SPAG16: variants seen among roughly 807,000 people sequenced by gnomAD.
SPAG16 encodes sperm associated antigen 16, also known as sperm-associated antigen 16 protein.
A neutral mutation model predicts 80.4 loss-of-function variants in SPAG16; 86 were observed. That is an observed-to-expected ratio of 1.07 (90% CI 0.90 to 1.28). SPAG16 has a LOEUF of 1.28. Ranked by LOEUF, SPAG16 falls within the 50% of genes most tolerant of loss-of-function variation. The pLI, the probability that SPAG16 is intolerant of heterozygous loss-of-function variation, is 0.00. For synonymous variants in SPAG16, 294 were observed against 265.9 expected, an observed-to-expected ratio of 1.11 and a Z score of -1.03; for missense variants, 870 against 765.3, an observed-to-expected ratio of 1.14 and a Z score of -1.61.
At chr2:213,664,710 C>G (rs919429831) in intron 10 of SPAG16, among the ~76,000 whole-genome samples, 1 of 152,046 alleles carries the variant, frequency 6.6e-6, no homozygotes, top group Non-Finnish European at 1.5e-5. Context: ...TTCTTGGATT[C>G]TCAGACTCAA....
intron 10 of SPAG16, among the ~76,000 whole-genome samples, chr2:213,526,420 T>C (rs111318894): frequency 0.02 from 3,073 of 152,330 alleles, 44 homozygotes; most frequent in Middle Eastern, 0.051. Context: ...CCTCAAACTT[T>C]TTGAAAGATG....
chr2:214,196,396 G>A (rs557621142), intron 15 of SPAG16, among the ~76,000 whole-genome samples: 27 of 152,078 alleles, frequency 1.8e-4, no homozygotes, highest in African/African-American at 5.3e-4. Flanking sequence ...TAACAAATAC[G>A]AAAACAGAAA....
At chr2:214,261,107 C>CAAAAAAAAAAAAAAAAAAA (rs558534808) in intron 15 of SPAG16, among the ~76,000 whole-genome samples, 5 of 54,470 alleles carry the variant, frequency 9.2e-5, no homozygotes, top group Admixed American at 2.7e-4. Context: ...GACTCAGTCT[C>CAAAAAAAAAAAAAAAAAAA]AAAAAAAAAA....
intron 9 of SPAG16, among the ~76,000 whole-genome samples, chr2:213,406,936 TAAAAAA>T (rs60707204): frequency 4.7e-4 from 57 of 122,440 alleles, no homozygotes; most frequent in African/African-American, 1.6e-3. Flanking sequence ...GACGCGGATT[TAAAAAA>T]AAAAAAAAAA....
intron 15 of SPAG16, among the ~76,000 whole-genome samples, chr2:214,400,252 T>C (rs1166076935): frequency 6.6e-6 from 1 of 151,978 alleles, no homozygotes; most frequent in East Asian, 1.9e-4. Flanking sequence ...TAGGAATTTC[T>C]GGAGAATCAA....
intron 14 of SPAG16, among the ~76,000 whole-genome samples, chr2:214,147,788 CA>C (rs1265696398): frequency 1.3e-5 from 2 of 152,076 alleles, no homozygotes; most frequent in South Asian, 2.1e-4. Flanking sequence ...GTGCCAGTGA[CA>C]ACAGTTATAG....
At chr2:213,381,106 C>T (rs2067151030) in intron 9 of SPAG16, among the ~76,000 whole-genome samples, 1 of 96,568 alleles carries the variant, frequency 1.0e-5, no homozygotes, top group South Asian at 4.3e-4. Flanking sequence ...ACTTATACCA[C>T]AACACTGTTG....
chr2:214,186,424 A>T (rs528488509), intron 15 of SPAG16, among the ~76,000 whole-genome samples: 1 of 152,282 alleles, frequency 6.6e-6, no homozygotes, highest in Non-Finnish European at 1.5e-5. Context: ...GATGAAAGTC[A>T]TTGGGGCTTG....
At position 214,410,476 on chromosome 2, in the gene SPAG16, C is replaced by G; in HGVS notation, c.*161C>G. 2 of 536,834 alleles carry G rather than the reference C, an allele frequency of 3.7e-6. No individual in the cohort carries two copies. The highest frequency in any genetic ancestry group is 6.0e-6 in the Non-Finnish European group (2 of 331,440). 33.3% of individuals were successfully genotyped at this position (536,834 alleles called of 1,614,324 possible). On this transcript the variant is annotated 3_prime_UTR_variant, in exon 16 of 16. Transcript: ENST00000331683. Reference sequence around the variant, plus strand: ...ATATATTTTAGTGCTCATACTGTTACTAATAAAAAAATAACTTTATGCTCA... The same window carrying G: ...ATATATTTTAGTGCTCATACTGTTAGTAATAAAAAAATAACTTTATGCTCA...
At chr2:213,856,617 A>C (rs10932506) in intron 10 of SPAG16, among the ~76,000 whole-genome samples, 52,292 of 152,022 alleles carry the variant, frequency 0.34, 9,450 homozygotes, top group South Asian at 0.47. Context: ...CCAAACCTCA[A>C]TTCTTGACTT....
intron 10 of SPAG16, among the ~76,000 whole-genome samples, chr2:213,769,374 A>G (rs1283572520): frequency 6.6e-6 from 1 of 152,198 alleles, no homozygotes; most frequent in Non-Finnish European, 1.5e-5. Context: ...GGACTTGAAG[A>G]CAGCCTTACT....
chr2:213,941,802 G>A (rs919179688), intron 12 of SPAG16, among the ~76,000 whole-genome samples: 6 of 151,808 alleles, frequency 4.0e-5, no homozygotes, highest in African/African-American at 1.2e-4. Context: ...GAATAACATA[G>A]CACTTGACTT....
chr2:213,366,576 T>G (rs2066302794), intron 8 of SPAG16, among the ~76,000 whole-genome samples: 2 of 152,204 alleles, frequency 1.3e-5, no homozygotes, highest in African/African-American at 4.8e-5. Flanking sequence ...CATCAGATCT[T>G]GTGAGATTTA....
rs1575369959 is a variant in SPAG16, at chr2:213,856,941, A to T, written c.1071-5544A>T. ...TGAATGAAGGTGGCTAAACTAAAAA[A>T]TCATCAGCATAGGATGGGTGGCTCA... On this transcript the variant is annotated intron_variant, in intron 10 of 15. Transcript: ENST00000331683. 1.3e-5 allele frequency among the ~76,000 whole-genome samples: 2 copies of T among 152,224 alleles called. 1 individual carries two copies. The highest frequency in any genetic ancestry group is 4.1e-4 in the South Asian group (2 of 4,826).
intron 11 of SPAG16, among the ~76,000 whole-genome samples, chr2:213,885,622 G>A (rs980916560): frequency 1.3e-5 from 2 of 152,136 alleles, no homozygotes; most frequent in Non-Finnish European, 2.9e-5. Context: ...TTAAGGCAAT[G>A]TGATAGCCAT....
intron 10 of SPAG16, among the ~76,000 whole-genome samples, chr2:213,674,364 G>A (rs2063946159): frequency 1.3e-5 from 2 of 150,820 alleles, no homozygotes; most frequent in South Asian, 4.2e-4. Context: ...CACAAATCTT[G>A]CTGCTCTTTT....
chr2:213,966,983 G>A (rs1321356955), intron 12 of SPAG16, among the ~76,000 whole-genome samples: 4 of 152,166 alleles, frequency 2.6e-5, no homozygotes, highest in Admixed American at 2.6e-4. Flanking sequence ...GTCACATGCA[G>A]CTCTGAGAGA....
intron 3 of SPAG16, 102 bp from the exon 4 acceptor site, chr2:213,309,957 G>A (rs2063115305): frequency 1.4e-6 from 1 of 702,690 alleles, no homozygotes; most frequent in Non-Finnish European, 2.3e-6. Flanking sequence ...AAACATTGTT[G>A]AAAAAAAATG....
At chr2:213,424,319 G>A (rs1447438637) in intron 9 of SPAG16, among the ~76,000 whole-genome samples, 3 of 152,160 alleles carry the variant, frequency 2.0e-5, no homozygotes, top group African/African-American at 4.8e-5. Context: ...TTTAAAAAAT[G>A]AGTTAATTTA....
Sources: allele counts gnomAD v4.1 joint callset (sites outside exome capture counted in the v4.1 genomes callset), GRCh38; gene constraint gnomAD v4.1.1; transcripts MANE v1.5; gene names NCBI Gene and HGNC (gene_info 2026-07-23, HGNC 2026-07-21).